Variants in RALGAPA2 observed in about 807,000 individuals in gnomAD.
The protein encoded by RALGAPA2 is ral GTPase-activating protein subunit alpha-2.
Under a neutral mutation model 230.4 loss-of-function variants are expected in RALGAPA2, and 139 were observed. The observed-to-expected ratio is 0.60, with a 90% CI of 0.53 to 0.69. The LOEUF (loss-of-function observed/expected upper bound fraction) is 0.69, where lower values mean the gene tolerates loss of function less well. Ranked by LOEUF, RALGAPA2 falls within the 30% of genes least tolerant of loss-of-function variation. The pLI is 0.00. For synonymous variants in RALGAPA2, 847 were observed against 837.8 expected (o/e 1.01, Z -0.19); for missense variants, 2,163 against 2,276.0 (o/e 0.95, Z 1.01).
intron 1 of RALGAPA2, among the ~76,000 whole-genome samples, chr20:20,692,726 T>C (rs771166685): frequency 1.3e-5 from 2 of 152,214 alleles, no homozygotes; most frequent in Non-Finnish European, 2.9e-5. Flanking sequence ...GATATCATTC[T>C]ATCTGGGTGC....
intron 4 of RALGAPA2, among the ~76,000 whole-genome samples, chr20:20,646,293 G>T (rs796646172): frequency 2.0e-5 from 3 of 152,198 alleles, no homozygotes; most frequent in African/African-American, 7.2e-5. Context: ...CAAAGTCCTG[G>T]GATTACAGGT....
intron 1 of RALGAPA2, among the ~76,000 whole-genome samples, chr20:20,703,172 CA>C (rs951022264): frequency 3.4e-4 from 48 of 140,498 alleles, no homozygotes; most frequent in African/African-American, 4.2e-4. Flanking sequence ...GACTCCATCT[CA>C]AAAAAAAAAA....
At chr20:20,482,936 A>G (rs940906913) in intron 36 of RALGAPA2, among the ~76,000 whole-genome samples, 4 of 152,230 alleles carry the variant, frequency 2.6e-5, no homozygotes. Flanking sequence ...GCACTGCTGT[A>G]CTTGCCTACT....
At chr20:20,415,823 C>T (rs993821789) in intron 37 of RALGAPA2, among the ~76,000 whole-genome samples, 1 of 152,176 alleles carries the variant, frequency 6.6e-6, no homozygotes, top group Non-Finnish European at 1.5e-5. Context: ...GAGAACTTCT[C>T]GAGACTCTCA....
At chr20:20,589,406 A>G in intron 17 of RALGAPA2, 41 bp from the exon 18 acceptor site, 1 of 1,524,960 alleles carries the variant, frequency 6.6e-7, no homozygotes, top group Non-Finnish European at 8.9e-7. Flanking sequence ...AATAGAAGGA[A>G]TGTTTCAGAT....
In RALGAPA2 at chr20:20,583,246, A is replaced by G. The variant is rs921756630; in HGVS notation, c.2531-20T>C. 2 of 1,573,482 alleles carry G rather than the reference A, an allele frequency of 1.3e-6. No homozygotes were observed. Among genetic ancestry groups the G allele is most frequent in the African/African-American group, 2.7e-5 (2 of 73,184 alleles). ...TTTCACCTGGTACAATGGAAGAACCAAAGTTTAAGATAAAAAATAGCTGAA... is the reference window on the plus strand; with the variant it reads ...TTTCACCTGGTACAATGGAAGAACCGAAGTTTAAGATAAAAAATAGCTGAA... On this transcript the variant is annotated intron_variant, in intron 19 of 39. Transcript: ENST00000202677.
intron 37 of RALGAPA2, among the ~76,000 whole-genome samples, chr20:20,419,403 T>A (rs1277606471): frequency 6.6e-6 from 1 of 152,194 alleles, no homozygotes; most frequent in Non-Finnish European, 1.5e-5. Context: ...TGTTTGGGTG[T>A]TAGAGTTGAC....
chr20:20,707,699 C>T (rs2069662366), intron 1 of RALGAPA2, among the ~76,000 whole-genome samples: 1 of 151,990 alleles, frequency 6.6e-6, no homozygotes, highest in Non-Finnish European at 1.5e-5. Flanking sequence ...TGGTCCAAAC[C>T]CAGGTCACTT....
chr20:20,550,863 G>A (rs970173720), intron 23 of RALGAPA2, among the ~76,000 whole-genome samples: 7 of 152,168 alleles, frequency 4.6e-5, no homozygotes, highest in Non-Finnish European at 1.0e-4. Context: ...AAAAGAGAAG[G>A]ACTCTGAAGA....
Position 20,393,047 on chromosome 20 carries a change from G to A in RALGAPA2, c.*242C>T, listed in dbSNP as rs749489548. ...AGGACAAGATGATACAGCCTAGTTT[G>A]AGTCCCATCTGAGACACGGTAGTGG... On this transcript the variant is annotated 3_prime_UTR_variant, in exon 40 of 40. Transcript: ENST00000202677. 2.3e-6 allele frequency: 3 copies of A among 1,280,166 alleles called. No individual in the cohort carries two copies. The African/African-American group carries it at 4.6e-5, about 20-fold the overall frequency. The allele number at this position is 1,280,166 out of a possible 1,614,324, so 79.3% of individuals were successfully genotyped here.
At chr20:20,711,035 C>G (rs1208885296) in intron 1 of RALGAPA2, among the ~76,000 whole-genome samples, 1 of 152,206 alleles carries the variant, frequency 6.6e-6, no homozygotes, top group Non-Finnish European at 1.5e-5. Flanking sequence ...ACACTTCACT[C>G]TCCACACTTC....
intron 10 of RALGAPA2, among the ~76,000 whole-genome samples, chr20:20,621,012 G>A (rs1213839455): frequency 1.3e-5 from 2 of 151,680 alleles, no homozygotes; most frequent in Non-Finnish European, 1.5e-5. Flanking sequence ...GTGGTGGCGT[G>A]TGCCTGTAAT....
chr20:20,495,392 A>T, intron 35 of RALGAPA2, 117 bp from the exon 36 acceptor site: 1 of 792,962 alleles, frequency 1.3e-6, no homozygotes. Context: ...CTACCAAAAA[A>T]GGCTACAACA....
chr20:20,569,287 T>C (rs1354215628), intron 23 of RALGAPA2, among the ~76,000 whole-genome samples: 1 of 152,208 alleles, frequency 6.6e-6, no homozygotes, highest in Non-Finnish European at 1.5e-5. Flanking sequence ...GTAATTCTGT[T>C]TGGCAGACAG....
chr20:20,467,673 G>C (rs2061449454), intron 37 of RALGAPA2, among the ~76,000 whole-genome samples: 1 of 152,146 alleles, frequency 6.6e-6, no homozygotes. Flanking sequence ...ATGTGATAGA[G>C]AAGACGGAAG....
chr20:20,513,079 T>C lies in RALGAPA2; in HGVS notation c.4290A>G (p.Val1430=), dbSNP rs778417489. 19 of 1,605,664 alleles carry C rather than the reference T, an allele frequency of 1.2e-5. No homozygotes were observed. Among genetic ancestry groups the C allele is most frequent in the Non-Finnish European group, 1.6e-5 (19 of 1,176,570 alleles). Residue 1430 remains valine (V), a synonymous_variant, in exon 32 of 40, where the codon GTA becomes GTG. Transcript: ENST00000202677. ...AGGAGATGAGGGTGCTATCATTAAA[T>C]ACAAACAGCTGCAGGTTTGGACTTC... ...VFRSPNLQLF[V]FNDSTLISYL...
At chr20:20,570,719 T>A (rs936869303) in intron 23 of RALGAPA2, among the ~76,000 whole-genome samples, 1 of 152,204 alleles carries the variant, frequency 6.6e-6, no homozygotes, top group Non-Finnish European at 1.5e-5. Flanking sequence ...ACTATCACAT[T>A]TTCAAATCCA....
At chr20:20,526,107 G>C (rs2063193715) in intron 28 of RALGAPA2, 145 bp downstream of exon 28, 1 of 661,974 alleles carries the variant, frequency 1.5e-6, no homozygotes, top group South Asian at 2.1e-5. Flanking sequence ...AGAAGAACCA[G>C]TCTAACTTAA....
Position 20,546,770 on chromosome 20 carries a change from G to T in RALGAPA2, c.3219C>A (p.Gly1073=). ...TGAAGTCCCCCACCAGCATTGAGAA[G>T]CCAGGAAAACCCAGGGAGAAAAAGC... ...PPRFFSLGFP[G]FSMLVGDFIT... The change falls in exon 24 of 40, where the codon GGC becomes GGA. Residue 1073 remains glycine (G), a synonymous_variant. Transcript: ENST00000202677. 6.2e-7 allele frequency: 1 copy of T among 1,611,802 alleles called. No individual in the cohort carries two copies. The highest frequency in any genetic ancestry group is 2.2e-5 in the East Asian group (1 of 44,718).
Sources: allele counts gnomAD v4.1 joint callset (sites outside exome capture counted in the v4.1 genomes callset), GRCh38; gene constraint gnomAD v4.1.1; transcripts MANE v1.5; gene names NCBI Gene and HGNC (gene_info 2026-07-23, HGNC 2026-07-21).